The following FGF12 variants were observed in gnomAD, a reference collection of about 807,000 sequenced individuals.
The protein encoded by FGF12 is fibroblast growth factor 12B.
FGF12 carries 14 observed loss-of-function variants against 23.6 expected under a neutral mutation model. That is an observed-to-expected ratio of 0.59 (90% CI 0.39 to 0.93). The LOEUF is 0.93. Ranked by LOEUF, FGF12 falls within the 40% of genes least tolerant of loss-of-function variation. The pLI, the probability that FGF12 is intolerant of heterozygous loss-of-function variation, is 0.00. For synonymous variants in FGF12, 62 were observed against 77.3 expected, an observed-to-expected ratio of 0.80 and a Z score of 1.04; for missense variants, 175 against 217.8, an observed-to-expected ratio of 0.80 and a Z score of 1.24.
At chr3:192,501,669 C>T (rs535172650) in intron 2 of FGF12, among the ~76,000 whole-genome samples, 1 of 152,172 alleles carries the variant, frequency 6.6e-6, no homozygotes, top group Non-Finnish European at 1.5e-5. Context: ...AGCAGCCAAC[C>T]GTAATTGCCA....
At chr3:192,422,012 A>C (rs1239018698) in intron 2 of FGF12, among the ~76,000 whole-genome samples, 3 of 143,634 alleles carry the variant, frequency 2.1e-5, no homozygotes, top group Admixed American at 7.2e-5. Context: ...TCATAGTTGG[A>C]CTTCAAAGGT....
intron 2 of FGF12, among the ~76,000 whole-genome samples, chr3:192,689,039 CAGGATGTAG>C (rs1717858122): frequency 6.6e-6 from 1 of 152,012 alleles, no homozygotes; most frequent in Admixed American, 6.6e-5. Flanking sequence ...AGTCAATGTC[CAGGATGTAG>C]AGAGTACAAT....
At chr3:192,254,802 T>C (rs950549244) in intron 4 of FGF12, among the ~76,000 whole-genome samples, 2 of 152,070 alleles carry the variant, frequency 1.3e-5, no homozygotes, top group African/African-American at 4.8e-5. Context: ...TCAAAAGAAG[T>C]TATAACAAGT....
intron 2 of FGF12, among the ~76,000 whole-genome samples, chr3:192,419,627 A>T (rs1721459487): frequency 6.6e-6 from 1 of 152,142 alleles, no homozygotes; most frequent in African/African-American, 2.4e-5. Flanking sequence ...CTGGGGGTGG[A>T]GAGTGAATCA....
intron 4 of FGF12, among the ~76,000 whole-genome samples, chr3:192,269,144 A>T (rs977675711): frequency 7.2e-6 from 1 of 138,366 alleles, no homozygotes; most frequent in Non-Finnish European, 1.5e-5. Flanking sequence ...CAAATTCCTG[A>T]CCTCAAGTGA....
chr3:192,659,419 G>A (rs6789503), intron 2 of FGF12, among the ~76,000 whole-genome samples: 81,868 of 151,944 alleles, frequency 0.54, 22,474 homozygotes, highest in East Asian at 0.67. Context: ...GTATATACAG[G>A]GCTAGAAAAG....
intron 4 of FGF12, among the ~76,000 whole-genome samples, chr3:192,274,209 T>C (rs1713633544): frequency 1.3e-5 from 2 of 152,198 alleles, no homozygotes; most frequent in Admixed American, 1.3e-4. Context: ...TCCTATTACA[T>C]TATTACCTAT....
chr3:192,191,460 T>C (rs577866262), intron 4 of FGF12, among the ~76,000 whole-genome samples: 9 of 152,206 alleles, frequency 5.9e-5, no homozygotes, highest in Non-Finnish European at 1.3e-4. Flanking sequence ...ATGTGGAGGC[T>C]ATGCATGTGT....
At chr3:192,251,164 T>G (rs952342850) in intron 4 of FGF12, among the ~76,000 whole-genome samples, 1 of 152,190 alleles carries the variant, frequency 6.6e-6, no homozygotes, top group Non-Finnish European at 1.5e-5. Flanking sequence ...CTTTTGTCTG[T>G]TGATCAAATA....
At chr3:192,570,307 CAGCAGACATTT>C (rs575529872) in intron 2 of FGF12, among the ~76,000 whole-genome samples, 100 of 152,158 alleles carry the variant, frequency 6.6e-4, no homozygotes, top group African/African-American at 2.4e-3. Flanking sequence ...TAGAGAGCTC[CAGCAGACATTT>C]AGGCATATGT....
At chr3:192,179,847 G>C (rs1329869867) in intron 4 of FGF12, among the ~76,000 whole-genome samples, 1 of 151,262 alleles carries the variant, frequency 6.6e-6, no homozygotes, top group Non-Finnish European at 1.5e-5. Context: ...CATCCGGCCA[G>C]GTTGTGATTA....
chr3:192,385,268 T>C (rs1385221189), intron 2 of FGF12, among the ~76,000 whole-genome samples: 1 of 152,116 alleles, frequency 6.6e-6, no homozygotes, highest in Non-Finnish European at 1.5e-5. Context: ...ATGTAGATTT[T>C]TTCTAATTTA....
chr3:192,531,297 A>C (rs2108851140), intron 2 of FGF12, among the ~76,000 whole-genome samples: 1 of 152,348 alleles, frequency 6.6e-6, no homozygotes, highest in South Asian at 2.1e-4. Flanking sequence ...GAAACACTTG[A>C]GAGCTACACA....
intron 4 of FGF12, among the ~76,000 whole-genome samples, chr3:192,240,481 C>T (rs1171356609): frequency 6.6e-6 from 1 of 152,128 alleles, no homozygotes; most frequent in Non-Finnish European, 1.5e-5. Context: ...TAACATGCAA[C>T]AATAAATGTA....
intron 2 of FGF12, among the ~76,000 whole-genome samples, chr3:192,496,163 G>C (rs1723950022): frequency 6.6e-6 from 1 of 152,134 alleles, no homozygotes; most frequent in South Asian, 2.1e-4. Context: ...GCCGAAGCAA[G>C]ATGAAACATT....
At chr3:192,575,604 T>C (rs1029351459) in intron 2 of FGF12, among the ~76,000 whole-genome samples, 2 of 152,120 alleles carry the variant, frequency 1.3e-5, no homozygotes, top group African/African-American at 4.8e-5. Context: ...CTTTCTTTGT[T>C]TTTCCTTTTC....
chr3:192,427,809 C>CA (rs1721739527), intron 2 of FGF12, among the ~76,000 whole-genome samples: 1 of 152,096 alleles, frequency 6.6e-6, no homozygotes, highest in Non-Finnish European at 1.5e-5. Flanking sequence ...GTGTGACTTC[C>CA]AAGAAACACA....
chr3:192,580,648 C>T (rs1402151607), intron 2 of FGF12, among the ~76,000 whole-genome samples: 1 of 152,154 alleles, frequency 6.6e-6, no homozygotes, highest in Non-Finnish European at 1.5e-5. Flanking sequence ...CATTCTGTTA[C>T]CCAGGCTGGA....
At chr3:192,569,059 T>G (rs953840910) in intron 2 of FGF12, among the ~76,000 whole-genome samples, 1 of 152,122 alleles carries the variant, frequency 6.6e-6, no homozygotes, top group African/African-American at 2.4e-5. Flanking sequence ...TGTCTAAAGA[T>G]GCTAAAATGT....
Sources: allele counts gnomAD v4.1 joint callset (sites outside exome capture counted in the v4.1 genomes callset), GRCh38; gene constraint gnomAD v4.1.1; transcripts MANE v1.5; gene names NCBI Gene and HGNC (gene_info 2026-07-23, HGNC 2026-07-21).